The following C2CD2 variants were observed in gnomAD, a reference collection of about 807,000 sequenced individuals.
C2CD2 encodes C2 domain-containing protein 2.
Under a neutral mutation model 74.3 loss-of-function variants are expected in C2CD2, and 43 were observed. That is an observed-to-expected ratio of 0.58 (90% CI 0.45 to 0.75). The LOEUF is 0.75. Ranked by LOEUF, C2CD2 falls within the 30% of genes least tolerant of loss-of-function variation. The pLI is 0.00. For synonymous variants in C2CD2, 422 were observed against 390.7 expected (o/e 1.08, Z -0.94); for missense variants, 801 against 916.3 (o/e 0.87, Z 1.63).
intron 3 of C2CD2, 147 bp downstream of exon 3, chr21:41,921,825 T>C (rs778726804): frequency 9.8e-6 from 6 of 615,326 alleles, no homozygotes; most frequent in Non-Finnish European, 1.8e-5. Context: ...AAATCCTATA[T>C]GAAAGGTTAC....
At position 41,939,194 on chromosome 21, in the gene C2CD2, G is replaced by A. The variant is rs886680968; in HGVS notation, c.378+2953C>T. Among the ~76,000 whole-genome samples the A allele has an allele frequency of 5.3e-5, 8 of 152,122 alleles. No individual in the cohort carries two copies. The highest frequency in any genetic ancestry group is 6.5e-5 in the Admixed American group (1 of 15,268). ...GCTATGGTCATGGCCATACAAATAC[G>A]ATGCTGTTTTTCACTTCTAATTTAC... is the stretch of plus-strand genomic sequence containing the variant. On this transcript the variant is annotated intron_variant, in intron 2 of 13. Transcript: ENST00000380486. This position sits in a 1 kb window ranked among gnomAD's most constrained non-coding sequence, Gnocchi z 5.5.
chr21:41,942,636 C>T (rs962531106), intron 1 of C2CD2, among the ~76,000 whole-genome samples: 1 of 152,216 alleles, frequency 6.6e-6, no homozygotes, highest in Non-Finnish European at 1.5e-5. Flanking sequence ...GCGCACCTCG[C>T]CCAGCACAGA....
At chr21:41,918,010 G>A (rs769023387) in intron 5 of C2CD2, 95 bp downstream of exon 5, 55 of 1,438,440 alleles carry the variant, frequency 3.8e-5, no homozygotes, top group Non-Finnish European at 4.8e-5. Context: ...CATGGGAGGT[G>A]GAGGAACGCT....
At chr21:41,937,440 A>T (rs1381003778) in intron 2 of C2CD2, among the ~76,000 whole-genome samples, 2 of 152,228 alleles carry the variant, frequency 1.3e-5, no homozygotes, top group Non-Finnish European at 2.9e-5. Flanking sequence ...ACTTCATTGT[A>T]AGAATAGAGT....
chr21:41,953,141 G>A (rs1363153352), intron 1 of C2CD2: 1 of 395,688 alleles, frequency 2.5e-6, no homozygotes, highest in Non-Finnish European at 4.5e-6. Flanking sequence ...GGAGCCCAGG[G>A]CCTGGAGCAC....
At chr21:41,897,742 T>G (rs953282239) in intron 13 of C2CD2, among the ~76,000 whole-genome samples, 3 of 152,156 alleles carry the variant, frequency 2.0e-5, no homozygotes, top group Non-Finnish European at 4.4e-5. Context: ...GTGCCATGGC[T>G]GAGGGACACA....
At chr21:41,896,307 G>C (rs1003442319) in intron 13 of C2CD2, among the ~76,000 whole-genome samples, 7 of 152,222 alleles carry the variant, frequency 4.6e-5, no homozygotes, top group Non-Finnish European at 1.0e-4. Flanking sequence ...TTATGCAAGA[G>C]CAACATCAGA....
chr21:41,931,468 G>C (rs1300874081), intron 2 of C2CD2, among the ~76,000 whole-genome samples: 3 of 147,312 alleles, frequency 2.0e-5, no homozygotes, highest in Non-Finnish European at 4.6e-5. Context: ...CTGTCGCCAG[G>C]CTGGAGTGCA....
Position 41,953,610 on chromosome 21 carries a change from C to A in C2CD2, c.39G>T (p.Ala13=). The A allele has an allele frequency of 1.2e-5, 18 of 1,492,318 alleles. No homozygotes were observed. The highest frequency in any genetic ancestry group is 2.3e-5 in the Admixed American group (1 of 44,148). The allele number at this position is 1,492,318 out of a possible 1,614,324, so 92.4% of individuals were successfully genotyped here. The change falls in exon 1 of 14, where the codon GCG becomes GCT. Residue 13 remains alanine (A), a synonymous_variant. Transcript: ENST00000380486. ...AGAGCGACACCAGCGCGAGCCACTG[C>A]GCCTCCCCGAGCCACGAGCCCAGCC... ...MARLGSWLGE[A]QWLALVSLFV...
chr21:41,891,139 A>G (rs2064748350), intron 13 of C2CD2, among the ~76,000 whole-genome samples: 1 of 112,606 alleles, frequency 8.9e-6, no homozygotes, highest in Admixed American at 8.0e-5. Context: ...AAAGGTGGGT[A>G]AGTAGTGACA....
At chr21:41,917,739 G>A (rs979329853) in intron 5 of C2CD2, among the ~76,000 whole-genome samples, 2 of 152,094 alleles carry the variant, frequency 1.3e-5, no homozygotes, top group Admixed American at 6.5e-5. Context: ...GCAGCAGGCC[G>A]GCCCTAGCCC....
At chr21:41,933,082 C>T (rs972853113) in intron 2 of C2CD2, among the ~76,000 whole-genome samples, 1 of 150,306 alleles carries the variant, frequency 6.7e-6, no homozygotes, top group Non-Finnish European at 1.5e-5. Flanking sequence ...GCGGCCTTGT[C>T]CCTGTCTTGG....
chr21:41,930,118 C>T (rs750621937), intron 2 of C2CD2, among the ~76,000 whole-genome samples: 1 of 150,154 alleles, frequency 6.7e-6, no homozygotes. Context: ...TTGTAACAGC[C>T]GAAACTCTTC....
At chr21:41,948,868 A>ATTTTTTTTTTT (rs1569085046) in intron 1 of C2CD2, among the ~76,000 whole-genome samples, 3 of 31,068 alleles carry the variant, frequency 9.7e-5, no homozygotes, top group Admixed American at 3.8e-4. Context: ...TCCACACAGC[A>ATTTTTTTTTTT]TCTTTTTTTT....
chr21:41,938,682 AAC>A (rs2146222552), intron 2 of C2CD2, among the ~76,000 whole-genome samples: 1 of 152,016 alleles, frequency 6.6e-6, no homozygotes, highest in South Asian at 2.1e-4. Context: ...TATTTCACTG[AAC>A]ATAATGTCCT....
chr21:41,891,731 T>A (rs1027024095), intron 13 of C2CD2, among the ~76,000 whole-genome samples: 1 of 152,108 alleles, frequency 6.6e-6, no homozygotes, highest in Admixed American at 6.5e-5. Context: ...ATCCATCAGC[T>A]TCACCTGGAC....
At chr21:41,932,285 C>T (rs1039133791) in intron 2 of C2CD2, among the ~76,000 whole-genome samples, 6 of 150,090 alleles carry the variant, frequency 4.0e-5, no homozygotes, top group African/African-American at 9.7e-5. Flanking sequence ...CCTCCCCCTC[C>T]GCCCGCCTAA....
Position 41,895,597 on chromosome 21 carries a change from AG to A in C2CD2, c.1870+3455del, listed in dbSNP as rs1265985495. ...GTAACCAAGATTTTAAATGGGAGAC[AG>A]GGAGAAGAAGAAAAGTCTTTCCCTG... is the stretch of plus-strand genomic sequence containing the variant. On this transcript the variant is annotated intron_variant, in intron 13 of 13. Transcript: ENST00000380486. This position sits in a 1 kb window ranked among gnomAD's most constrained non-coding sequence, Gnocchi z 5.0. Among the ~76,000 whole-genome samples, 1 of 152,258 alleles carries A rather than the reference AG, an allele frequency of 6.6e-6. No homozygotes were observed. Among genetic ancestry groups the A allele is most frequent in the Non-Finnish European group, 1.5e-5 (1 of 68,042 alleles).
chr21:41,936,344 C>A (rs2065307090), intron 2 of C2CD2, among the ~76,000 whole-genome samples: 1 of 152,118 alleles, frequency 6.6e-6, no homozygotes, highest in African/African-American at 2.4e-5. Context: ...AAAAAGGGCT[C>A]AACATCACTA....
Sources: gnomAD v4.1 joint callset for allele counts (sites outside exome capture counted in the v4.1 genomes callset) on GRCh38, gnomAD v4.1.1 for gene constraint, Gnocchi (gnomAD v3.1) non-coding constraint, MANE v1.5 for transcripts, NCBI Gene and HGNC (gene_info 2026-07-23, HGNC 2026-07-21) for gene names.